Variants in CACNB2 observed in about 807,000 individuals in gnomAD.
CACNB2 encodes the protein calcium voltage-gated channel auxiliary subunit beta 2, also known as voltage-dependent L-type calcium channel subunit beta-2.
Under a neutral mutation model 73.3 loss-of-function variants are expected in CACNB2, and 42 were observed. That is an observed-to-expected ratio of 0.57 (90% CI 0.45 to 0.74). The LOEUF (loss-of-function observed/expected upper bound fraction) is 0.74. Ranked by LOEUF, CACNB2 falls within the 30% of genes least tolerant of loss-of-function variation. The pLI is 0.00. For missense variants in CACNB2, 940 were observed against 853.0 expected (o/e 1.10, Z -1.27); for synonymous variants, 348 against 310.3 (o/e 1.12, Z -1.28).
intron 5 of CACNB2, among the ~76,000 whole-genome samples, chr10:18,506,051 A>T (rs750916543): frequency 1.1e-4 from 16 of 152,208 alleles, no homozygotes; most frequent in Non-Finnish European, 2.1e-4. Flanking sequence ...ACTATTAATA[A>T]AATAAGCCTA....
intron 2 of CACNB2, among the ~76,000 whole-genome samples, chr10:18,310,363 T>C (rs1292355330): frequency 1.3e-5 from 2 of 151,540 alleles, no homozygotes; most frequent in Non-Finnish European, 2.9e-5. Flanking sequence ...CCCAACACTT[T>C]GGGAGGCTGA....
chr10:18,489,744 C>T (rs1169560438), intron 3 of CACNB2, among the ~76,000 whole-genome samples: 2 of 152,152 alleles, frequency 1.3e-5, no homozygotes, highest in South Asian at 4.1e-4. Flanking sequence ...CTGTCATGTA[C>T]AAGGTAAAGA....
At position 18,493,251 on chromosome 10, in the gene CACNB2, C is replaced by T. The variant is rs541218736; in HGVS notation, c.334-5104C>T. ...TGGCACAATCTCGGGTCACTGCAGCCTCCGCCTCCTAGGTTCAAGCAATTC... is the reference window on the plus strand; with the variant it reads ...TGGCACAATCTCGGGTCACTGCAGCTTCCGCCTCCTAGGTTCAAGCAATTC... On this transcript the variant is annotated intron_variant, in intron 3 of 13. Coordinates refer to ENST00000324631, the MANE Select transcript of CACNB2 (RefSeq NM_201596.3). Among the ~76,000 whole-genome samples the T allele has an allele frequency of 1.2e-3, 178 of 152,278 alleles. 2 individuals carry two copies. The highest frequency in any genetic ancestry group is 4.1e-3 in the African/African-American group (169 of 41,558).
chr10:18,526,556 A>T (rs2052488048), intron 9 of CACNB2, among the ~76,000 whole-genome samples: 1 of 152,132 alleles, frequency 6.6e-6, no homozygotes, highest in Non-Finnish European at 1.5e-5. Flanking sequence ...AAATATTGTG[A>T]GCCTTCAATT....
intron 2 of CACNB2, among the ~76,000 whole-genome samples, chr10:18,218,003 C>T (rs1298893235): frequency 1.3e-5 from 2 of 152,154 alleles, no homozygotes; most frequent in African/African-American, 4.8e-5. Context: ...AATACTGGGT[C>T]ATGACTGATA....
At chr10:18,401,557 A>G (rs569364847) in intron 2 of CACNB2, among the ~76,000 whole-genome samples, 41 of 152,320 alleles carry the variant, frequency 2.7e-4, no homozygotes, top group Middle Eastern at 3.4e-3. Context: ...TCCTAGTTTC[A>G]AATACCTGCT....
intron 2 of CACNB2, among the ~76,000 whole-genome samples, chr10:18,220,008 C>A (rs1234910289): frequency 1.3e-5 from 2 of 148,360 alleles, no homozygotes; most frequent in Non-Finnish European, 3.0e-5. Context: ...CTCAACTGAT[C>A]TGCCCTCCTA....
At chr10:18,260,511 G>A (rs76819545) in intron 2 of CACNB2, 3 of 985,470 alleles carry the variant, frequency 3.0e-6, no homozygotes, top group East Asian at 1.1e-4. Context: ...CCACTCTGGC[G>A]ATCCTCCTTA....
At chr10:18,341,013 G>T (rs1246180571) in intron 2 of CACNB2, 1 of 1,607,550 alleles carries the variant, frequency 6.2e-7, no homozygotes, top group South Asian at 1.1e-5. Flanking sequence ...CAGATGCACG[G>T]TGCGGTTTAA....
Position 18,444,616 on chromosome 10 carries a change from C to A in CACNB2, c.333+42573C>A, listed in dbSNP as rs142978463. On this transcript the variant is annotated intron_variant, in intron 3 of 13. Coordinates refer to ENST00000324631, the MANE Select transcript of CACNB2 (RefSeq NM_201596.3). ...GCTAGGAAAAAAGTAAGCAGGACTG[C>A]AACCTACGTATTTAGTACTAGAGGT... Among the ~76,000 whole-genome samples, 26 of 152,306 alleles carry A rather than the reference C, an allele frequency of 1.7e-4. No individual in the cohort carries two copies. In the East Asian group the frequency reaches 3.5e-3, roughly 20 times the overall value.
chr10:18,352,736 A>G (rs1479368151), intron 2 of CACNB2, among the ~76,000 whole-genome samples: 1 of 152,224 alleles, frequency 6.6e-6, no homozygotes, highest in Non-Finnish European at 1.5e-5. Flanking sequence ...ATTTCATAGT[A>G]TATGACATTT....
chr10:18,315,145 A>G (rs952491286), intron 2 of CACNB2, among the ~76,000 whole-genome samples: 39 of 152,134 alleles, frequency 2.6e-4, no homozygotes, highest in Non-Finnish European at 4.9e-4. Context: ...CAGCCTGGCC[A>G]ACACAGTGAA....
chr10:18,472,290 G>T (rs1022437010), intron 3 of CACNB2, among the ~76,000 whole-genome samples: 6 of 141,378 alleles, frequency 4.2e-5, no homozygotes, highest in Admixed American at 3.9e-4. Flanking sequence ...AGGCTGGAAT[G>T]CAGTGCTGGG....
At chr10:18,511,973 A>G (rs562740311) in intron 6 of CACNB2, among the ~76,000 whole-genome samples, 1 of 152,344 alleles carries the variant, frequency 6.6e-6, no homozygotes, top group Non-Finnish European at 1.5e-5. Flanking sequence ...AATCTTAAAA[A>G]TAAGAGCCTT....
At chr10:18,478,199 T>C (rs2048537554) in intron 3 of CACNB2, among the ~76,000 whole-genome samples, 1 of 152,208 alleles carries the variant, frequency 6.6e-6, no homozygotes, top group South Asian at 2.1e-4. Context: ...CCGAAGGTGC[T>C]GGGATTACAG....
intron 11 of CACNB2, among the ~76,000 whole-genome samples, chr10:18,534,611 C>T (rs1589744368): frequency 6.6e-6 from 1 of 152,230 alleles, no homozygotes; most frequent in Non-Finnish European, 1.5e-5. Flanking sequence ...CCAGCAGTTA[C>T]TGTATTCACC....
chr10:18,193,864 C>T (rs1384135249), intron 2 of CACNB2, among the ~76,000 whole-genome samples: 1 of 152,172 alleles, frequency 6.6e-6, no homozygotes, highest in Non-Finnish European at 1.5e-5. Flanking sequence ...AAGCTTGTTG[C>T]TTTTGTGAGC....
intron 3 of CACNB2, among the ~76,000 whole-genome samples, chr10:18,470,806 T>A (rs983596445): frequency 1.6e-4 from 24 of 152,092 alleles, no homozygotes; most frequent in African/African-American, 4.6e-4. Flanking sequence ...ATGGTGGTGG[T>A]GTCAGCAGCA....
Position 18,524,670 on chromosome 10 carries a change from AAAAAATTGAGCAAATAAAAAGTT to A in CACNB2, c.945-2917_945-2895del, listed in dbSNP as rs1452766914. Among the ~76,000 whole-genome samples the A allele has an allele frequency of 7.9e-4, 120 of 151,332 alleles. 2 individuals are homozygous for A. The highest frequency in any genetic ancestry group is 2.7e-3 in the African/African-American group (112 of 41,272). On this transcript the variant is annotated intron_variant, in intron 9 of 13. Coordinates refer to ENST00000324631, the MANE Select transcript of CACNB2 (RefSeq NM_201596.3). Reference sequence around the variant, plus strand: ...ACTCTATCTTAAAAAAAAAAAAAAAAAAAAATTGAGCAAATAAAAAGTTGTTTATCTCATGGAAACCACGAGGA... The same window carrying A: ...ACTCTATCTTAAAAAAAAAAAAAAAAGTTTATCTCATGGAAACCACGAGGA...
Sources: gnomAD v4.1 joint callset for allele counts (sites outside exome capture counted in the v4.1 genomes callset) on GRCh38, gnomAD v4.1.1 for gene constraint, MANE v1.5 for transcripts, NCBI Gene and HGNC (gene_info 2026-07-23, HGNC 2026-07-21) for gene names.